Variants in ST6GALNAC3 observed in about 807,000 individuals in gnomAD.
ST6GALNAC3 encodes the protein alpha-N-acetylgalactosaminide alpha-2,6-sialyltransferase 3.
In ST6GALNAC3, 25 loss-of-function variants were observed where a neutral mutation model predicts 32.7. The observed-to-expected ratio is 0.76, with a 90% CI of 0.56 to 1.07. ST6GALNAC3 has a LOEUF of 1.07. Ranked by LOEUF, ST6GALNAC3 falls within the 50% of genes least tolerant of loss-of-function variation. The pLI, the probability that ST6GALNAC3 is intolerant of heterozygous loss-of-function variation, is 0.00. For synonymous variants in ST6GALNAC3, 129 were observed against 133.1 expected, an observed-to-expected ratio of 0.97 and a Z score of 0.21; for missense variants, 355 against 382.4, an observed-to-expected ratio of 0.93 and a Z score of 0.60.
chr1:76,472,873 A>G (rs1292490899), intron 3 of ST6GALNAC3, among the ~76,000 whole-genome samples: 1 of 152,068 alleles, frequency 6.6e-6, no homozygotes, highest in Non-Finnish European at 1.5e-5. Flanking sequence ...AAAGGTGATT[A>G]TTTTATATTC....
intron 1 of ST6GALNAC3, among the ~76,000 whole-genome samples, chr1:76,108,048 T>A (rs1387947563): frequency 6.6e-6 from 1 of 152,180 alleles, no homozygotes; most frequent in Admixed American, 6.5e-5. Flanking sequence ...AGTAAAGTAA[T>A]GTTTGCTGTA....
chr1:76,283,996 T>A (rs1050615419), intron 1 of ST6GALNAC3, among the ~76,000 whole-genome samples: 1 of 124,184 alleles, frequency 8.1e-6, no homozygotes, highest in Non-Finnish European at 1.8e-5. Context: ...TTGTCATTCA[T>A]CTATTTTTTG....
At chr1:76,492,150 T>A (rs1660541493) in intron 3 of ST6GALNAC3, among the ~76,000 whole-genome samples, 1 of 152,188 alleles carries the variant, frequency 6.6e-6, no homozygotes, top group African/African-American at 2.4e-5. Context: ...ATGTCTTCAC[T>A]CTTTCCCTGA....
intron 1 of ST6GALNAC3, among the ~76,000 whole-genome samples, chr1:76,311,984 GA>G (rs773220915): frequency 2.5e-4 from 38 of 152,162 alleles, no homozygotes; most frequent in Non-Finnish European, 4.7e-4. Flanking sequence ...TAACTGGTGT[GA>G]GATGGTATCT....
At chr1:76,259,363 C>T (rs1658098383) in intron 1 of ST6GALNAC3, among the ~76,000 whole-genome samples, 1 of 152,110 alleles carries the variant, frequency 6.6e-6, no homozygotes, top group South Asian at 2.1e-4. Flanking sequence ...CCATCTAAAT[C>T]CTGGTTCTGT....
chr1:76,117,312 C>T (rs531238849), intron 1 of ST6GALNAC3, among the ~76,000 whole-genome samples: 2 of 152,242 alleles, frequency 1.3e-5, no homozygotes, highest in East Asian at 1.9e-4. Flanking sequence ...TCTCATATTT[C>T]CCAAGAATGT....
intron 1 of ST6GALNAC3, among the ~76,000 whole-genome samples, chr1:76,086,859 T>C (rs1434191318): frequency 1.3e-5 from 2 of 152,216 alleles, no homozygotes; most frequent in African/African-American, 2.4e-5. Context: ...CTGACTACAC[T>C]ACTACTTGTG....
chr1:76,276,750 T>C (rs1205456870), intron 1 of ST6GALNAC3, among the ~76,000 whole-genome samples: 1 of 152,190 alleles, frequency 6.6e-6, no homozygotes, highest in Non-Finnish European at 1.5e-5. Flanking sequence ...AAAATTATTT[T>C]CCAAAATAGA....
intron 1 of ST6GALNAC3, among the ~76,000 whole-genome samples, chr1:76,208,779 A>C (rs1421691974): frequency 6.6e-6 from 1 of 152,284 alleles, no homozygotes; most frequent in East Asian, 1.9e-4. Flanking sequence ...TTGGAGCGAG[A>C]TGCATCATCA....
chr1:76,485,040 G>A (rs143125349), intron 3 of ST6GALNAC3, among the ~76,000 whole-genome samples: 25 of 152,168 alleles, frequency 1.6e-4, no homozygotes, highest in African/African-American at 4.1e-4. Context: ...ATTTGCATAC[G>A]TCAAACCAGC....
chr1:76,478,734 G>A (rs547971370), intron 3 of ST6GALNAC3, among the ~76,000 whole-genome samples: 2 of 144,866 alleles, frequency 1.4e-5, no homozygotes, highest in South Asian at 2.3e-4. Context: ...ATTCGTGACT[G>A]TATTCCTTCC....
chr1:76,272,986 C>A (rs1485817139), intron 1 of ST6GALNAC3, among the ~76,000 whole-genome samples: 2 of 152,114 alleles, frequency 1.3e-5, no homozygotes, highest in Non-Finnish European at 2.9e-5. Flanking sequence ...GGAGTGACCA[C>A]TGAAAACACT....
intron 3 of ST6GALNAC3, among the ~76,000 whole-genome samples, chr1:76,621,761 A>G (rs1648665565): frequency 1.3e-5 from 2 of 152,022 alleles, no homozygotes; most frequent in Admixed American, 6.6e-5. Flanking sequence ...TTTGAAAAAA[A>G]TGAGGGAAAG....
At chr1:76,141,223 T>C (rs1465443653) in intron 1 of ST6GALNAC3, among the ~76,000 whole-genome samples, 1 of 152,198 alleles carries the variant, frequency 6.6e-6, no homozygotes, top group African/African-American at 2.4e-5. Flanking sequence ...GCACCCTTCA[T>C]GGCTAGAGAT....
intron 3 of ST6GALNAC3, among the ~76,000 whole-genome samples, chr1:76,413,973 C>T (rs1654446982): frequency 1.3e-5 from 2 of 151,872 alleles, no homozygotes; most frequent in African/African-American, 2.4e-5. Context: ...ACCTATAAGC[C>T]CTAGAGTCAT....
intron 3 of ST6GALNAC3, among the ~76,000 whole-genome samples, chr1:76,450,971 G>A (rs1412200746): frequency 6.6e-6 from 1 of 152,146 alleles, no homozygotes; most frequent in African/African-American, 2.4e-5. Context: ...ATAGTTTGAA[G>A]TCAGGTAATG....
intron 2 of ST6GALNAC3, among the ~76,000 whole-genome samples, chr1:76,396,672 T>G (rs1398617975): frequency 1.3e-5 from 2 of 152,208 alleles, no homozygotes; most frequent in African/African-American, 2.4e-5. Context: ...AAATTTGCTT[T>G]GTTGATGCCA....
chr1:76,477,843 T>C (rs760232278), intron 3 of ST6GALNAC3, among the ~76,000 whole-genome samples: 1 of 152,140 alleles, frequency 6.6e-6, no homozygotes, highest in Non-Finnish European at 1.5e-5. Context: ...GACACAGAAG[T>C]CTTTGCTCAT....
chr1:76,509,954 G>C lies in ST6GALNAC3; in HGVS notation c.623+97537G>C, dbSNP rs1661740473. 6.6e-6 allele frequency among the ~76,000 whole-genome samples: 1 copy of C among 152,126 alleles called. No individual in the cohort carries two copies. The highest frequency in any genetic ancestry group is 6.6e-5 in the Admixed American group (1 of 15,266). On this transcript the variant is annotated intron_variant, in intron 3 of 4. Transcript: ENST00000328299. The surrounding 1 kb of genome is among the most constrained non-coding windows in gnomAD (Gnocchi z 5.5). Reference sequence around the variant, plus strand: ...TTCACAGGTTTCAAGTATTAGAGTGGGGATATCTTTAGGGAGCTATTATTC... The same window carrying C: ...TTCACAGGTTTCAAGTATTAGAGTGCGGATATCTTTAGGGAGCTATTATTC...
Sources: allele counts gnomAD v4.1 joint callset (sites outside exome capture counted in the v4.1 genomes callset), GRCh38; gene constraint gnomAD v4.1.1; non-coding constraint Gnocchi (gnomAD v3.1); transcripts MANE v1.5; gene names NCBI Gene and HGNC (gene_info 2026-07-23, HGNC 2026-07-21).